CCDC91: variants seen among roughly 807,000 people sequenced by gnomAD.
CCDC91 encodes the protein coiled-coil domain-containing protein 91.
Under a neutral mutation model 63.2 loss-of-function variants are expected in CCDC91, and 48 were observed. The observed-to-expected ratio is 0.76, with a 90% CI of 0.60 to 0.97. The LOEUF is 0.97. Among genes scored for constraint, CCDC91 ranks in the 50% least tolerant of loss-of-function variants. CCDC91 has a pLI of 0.00. For synonymous variants in CCDC91, 167 were observed against 165.8 expected, an observed-to-expected ratio of 1.01 and a Z score of -0.06; for missense variants, 500 against 494.6, an observed-to-expected ratio of 1.01 and a Z score of -0.10.
intron 1 of CCDC91, among the ~76,000 whole-genome samples, chr12:28,216,729 C>A (rs11049469): frequency 0.21 from 31,194 of 151,932 alleles, 4,185 homozygotes; most frequent in Non-Finnish European, 0.3. Flanking sequence ...ATCTATGAAA[C>A]TGAAATTTCT....
At chr12:28,476,464 A>G (rs1289897945) in intron 11 of CCDC91, among the ~76,000 whole-genome samples, 1 of 152,174 alleles carries the variant, frequency 6.6e-6, no homozygotes, top group Admixed American at 6.6e-5. Context: ...GGACACATTT[A>G]AAGCATTGTG....
At chr12:28,521,879 T>G (rs1000217772) in intron 12 of CCDC91, among the ~76,000 whole-genome samples, 1 of 152,184 alleles carries the variant, frequency 6.6e-6, no homozygotes, top group African/African-American at 2.4e-5. Flanking sequence ...TTACACTTAT[T>G]GATTTGTGTA....
intron 6 of CCDC91, among the ~76,000 whole-genome samples, chr12:28,329,469 A>G (rs12308803): frequency 3.5e-4 from 51 of 147,606 alleles, no homozygotes; most frequent in African/African-American, 1.3e-3. Flanking sequence ...TAAATATATT[A>G]TATTTAATTT....
At chr12:28,370,483 G>A (rs1565872013) in intron 7 of CCDC91, among the ~76,000 whole-genome samples, 1 of 152,130 alleles carries the variant, frequency 6.6e-6, no homozygotes, top group Non-Finnish European at 1.5e-5. Flanking sequence ...TCAGCATTTT[G>A]GTCAAAACCA....
chr12:28,265,617 C>G (rs551137465), intron 3 of CCDC91, among the ~76,000 whole-genome samples: 1 of 133,992 alleles, frequency 7.5e-6, no homozygotes, highest in East Asian at 2.2e-4. Flanking sequence ...TCCCATTACT[C>G]TCCTTACTAA....
At chr12:28,336,322 A>C (rs1000889781) in intron 6 of CCDC91, among the ~76,000 whole-genome samples, 6 of 152,134 alleles carry the variant, frequency 3.9e-5, no homozygotes, top group Non-Finnish European at 7.4e-5. Context: ...CAGAATAATA[A>C]TAATTGGAAA....
At chr12:28,240,633 G>T (rs78045114) in intron 1 of CCDC91, among the ~76,000 whole-genome samples, 1,762 of 151,922 alleles carry the variant, frequency 0.012, 8 homozygotes, top group Middle Eastern at 0.021. Context: ...GACCTTTTGG[G>T]ATTGGCTTTT....
intron 1 of CCDC91, among the ~76,000 whole-genome samples, chr12:28,205,977 G>A (rs969203822): frequency 1.2e-4 from 19 of 152,240 alleles, no homozygotes; most frequent in African/African-American, 4.6e-4. Flanking sequence ...ATTTGGTCTT[G>A]AAACCCACCA....
At chr12:28,265,861 T>A (rs1365727801) in intron 3 of CCDC91, among the ~76,000 whole-genome samples, 1 of 152,080 alleles carries the variant, frequency 6.6e-6, no homozygotes, top group Non-Finnish European at 1.5e-5. Flanking sequence ...GCAGTATAGG[T>A]AATGCTTAAA....
At chr12:28,537,664 A>C (rs1942283496) in intron 12 of CCDC91, among the ~76,000 whole-genome samples, 1 of 152,222 alleles carries the variant, frequency 6.6e-6, no homozygotes, top group African/African-American at 2.4e-5. Flanking sequence ...TTCAGAAATC[A>C]TTCTGTCTTT....
intron 3 of CCDC91, among the ~76,000 whole-genome samples, chr12:28,294,470 T>G (rs1460025062): frequency 6.6e-6 from 1 of 152,156 alleles, no homozygotes; most frequent in Non-Finnish European, 1.5e-5. Flanking sequence ...TCTCTGGCTC[T>G]CTTTCTCCTT....
chr12:28,450,475 T>C (rs1565993910), intron 10 of CCDC91, 57 bp downstream of exon 10: 13 of 1,168,624 alleles, frequency 1.1e-5, no homozygotes, highest in Non-Finnish European at 1.7e-5. Flanking sequence ...AAAAATGGAA[T>C]ATATTAATAG....
rs189751679 is a variant in CCDC91 at position 28,490,881 on chromosome 12, T to G, written c.1215+6716T>G. Among the ~76,000 whole-genome samples the G allele has an allele frequency of 3.1e-3, 463 of 151,624 alleles. 6 individuals are homozygous for G. The highest frequency in any genetic ancestry group is 1.0e-3 in the Non-Finnish European group (71 of 67,738). On this transcript the variant is annotated intron_variant, in intron 12 of 12. Transcript: ENST00000536442. ...AATCTTGAAAAAACTTACTGACATG[T>G]GGACAATCACACACTTTGGTGAGAT...
At chr12:28,523,233 A>G (rs975650217) in intron 12 of CCDC91, among the ~76,000 whole-genome samples, 15 of 152,052 alleles carry the variant, frequency 9.9e-5, no homozygotes, top group Non-Finnish European at 1.9e-4. Flanking sequence ...GTCTCTAAGG[A>G]CTTGCTTTAT....
chr12:28,386,974 C>A (rs982092400), intron 7 of CCDC91, among the ~76,000 whole-genome samples: 1 of 151,772 alleles, frequency 6.6e-6, no homozygotes, highest in African/African-American at 2.4e-5. Context: ...CTCAAGGAAG[C>A]CTCTTTGTCT....
chr12:28,362,143 T>C (rs541119827), intron 6 of CCDC91, among the ~76,000 whole-genome samples: 2 of 152,160 alleles, frequency 1.3e-5, no homozygotes, highest in East Asian at 1.9e-4. Flanking sequence ...TTGATCCATG[T>C]CAAGAATTGG....
intron 1 of CCDC91, among the ~76,000 whole-genome samples, chr12:28,212,284 G>A (rs984780542): frequency 7.9e-5 from 12 of 152,192 alleles, no homozygotes; most frequent in South Asian, 2.1e-4. Flanking sequence ...GAATTGGGTA[G>A]CCCCCAGAAT....
At chr12:28,394,273 T>G (rs1946135947) in intron 8 of CCDC91, among the ~76,000 whole-genome samples, 1 of 152,154 alleles carries the variant, frequency 6.6e-6, no homozygotes, top group Non-Finnish European at 1.5e-5. Flanking sequence ...GAGACCATCC[T>G]GGCTAACAGG....
chr12:28,296,771 A>G (rs1949587998), intron 3 of CCDC91, among the ~76,000 whole-genome samples: 1 of 151,942 alleles, frequency 6.6e-6, no homozygotes, highest in South Asian at 2.1e-4. Flanking sequence ...CTTAGTTTCA[A>G]ATTTTTTTTA....
Sources: allele counts gnomAD v4.1 joint callset (sites outside exome capture counted in the v4.1 genomes callset), GRCh38; gene constraint gnomAD v4.1.1; transcripts MANE v1.5; gene names NCBI Gene and HGNC (gene_info 2026-07-23, HGNC 2026-07-21).